GFRA4: variants seen among roughly 807,000 people sequenced by gnomAD.
The protein encoded by GFRA4 is GDNF family receptor alpha 4.
A neutral mutation model predicts 28.5 loss-of-function variants in GFRA4; 31 were observed. The observed-to-expected ratio is 1.09, with a 90% CI of 0.82 to 1.47. The LOEUF is 1.47. GFRA4 is among the 40% of genes most tolerant of loss of function. The pLI is 0.00. For missense variants in GFRA4, 389 were observed against 413.2 expected (o/e 0.94, Z 0.51); for synonymous variants, 188 against 188.0 (o/e 1.00, Z 0.00).
intron 5 of GFRA4, 33 bp downstream of exon 5, chr20:3,660,125 G>A: frequency 6.5e-7 from 1 of 1,546,894 alleles, no homozygotes; most frequent in Non-Finnish European, 8.8e-7. Flanking sequence ...CAGTGGGGGA[G>A]GTGCCAGCTC....
intron 1 of GFRA4, 28 bp downstream of exon 1, chr20:3,663,326 G>A: frequency 6.2e-7 from 1 of 1,605,680 alleles, no homozygotes; most frequent in African/African-American, 1.3e-5. Context: ...CCAGGGTTCG[G>A]GGTCCAGGGG....
rs748445287 is a variant in GFRA4, at chr20:3,660,671, C to A, written c.503-11G>T. On this transcript the variant is annotated splice_polypyrimidine_tract_variant and intron_variant, in intron 3 of 5. Coordinates refer to ENST00000290417, the MANE Select transcript of GFRA4 (RefSeq NM_022139.4). ...GGGTGACGGCGGTGCCTGCGGGGACCCTGAGGGCGAAGTCATCGGCCCACC... is the reference window on the plus strand; with the variant it reads ...GGGTGACGGCGGTGCCTGCGGGGACACTGAGGGCGAAGTCATCGGCCCACC... 3.4e-5 allele frequency: 53 copies of A among 1,542,468 alleles called. No homozygotes were observed. Among genetic ancestry groups the A allele is most frequent in the Non-Finnish European group, 3.5e-5 (40 of 1,143,638 alleles).
intron 1 of GFRA4, among the ~76,000 whole-genome samples, chr20:3,662,134 G>A (rs2087230636): frequency 6.6e-6 from 1 of 152,188 alleles, no homozygotes; most frequent in Non-Finnish European, 1.5e-5. Flanking sequence ...TGGTTTTAGT[G>A]ACCAGGCCCC....
In GFRA4 at chr20:3,661,060, C is replaced by T; in HGVS notation, c.276G>A (p.Ala92=). The change falls in exon 2 of 6, where the codon GCG becomes GCA. Residue 92 remains alanine (A), a synonymous_variant. Coordinates refer to ENST00000290417, the MANE Select transcript of GFRA4 (RefSeq NM_022139.4). ...AGGTCTGGCGCCGACGCTCGGCGCA[C>T]GCGGGGCCCGCGCACGGGCAGAAGA... ...ALLFCPCAGP[A]CAERRRQTFV... is the part of the protein sequence containing the mutation. 3 of 1,446,264 alleles carry T rather than the reference C, an allele frequency of 2.1e-6. No individual in the cohort carries two copies. Among genetic ancestry groups the T allele is most frequent in the South Asian group, 1.3e-5 (1 of 75,402 alleles). 89.6% of individuals were successfully genotyped at this position (1,446,264 alleles called of 1,614,324 possible).
In GFRA4 at chr20:3,660,240, A is replaced by T. The variant is rs763306194; in HGVS notation, c.647T>A (p.Ile216Asn). ...GGGCCACCCGCTGGCAAAGGCCTGA[A>T]TGGCACCATCTATGGAGGGAGGGGT... ...FTRNRCLDGA[I>N]QAFASGWPPV... is the part of the protein sequence containing the mutation. The change falls in exon 5 of 6, where the codon ATT becomes AAT. Residue 216 changes from isoleucine (I) to asparagine (N), a missense_variant. Ile to Asn is a moderately radical substitution (Grantham distance 149). Transcript: ENST00000290417. The T allele has an allele frequency of 4.4e-6, 7 of 1,606,022 alleles. No homozygotes were observed. In the South Asian group the frequency reaches 4.5e-5, roughly 10 times the overall value.
In GFRA4 at chr20:3,659,754, A is replaced by G; in HGVS notation, c.*155T>C. Reference sequence around the variant, plus strand: ...TCCCTTGCCCCAGGGGACGGCACACAGGGTGTCCAAACCTACAAAGGGCAG... The same window carrying G: ...TCCCTTGCCCCAGGGGACGGCACACGGGGTGTCCAAACCTACAAAGGGCAG... On this transcript the variant is annotated 3_prime_UTR_variant, in exon 6 of 6. Transcript: ENST00000290417. 1.4e-6 allele frequency: 1 copy of G among 693,578 alleles called. No homozygotes were observed. 43.0% of individuals were successfully genotyped at this position (693,578 alleles called of 1,614,324 possible).
intron 1 of GFRA4, among the ~76,000 whole-genome samples, chr20:3,662,032 G>A (rs942514298): frequency 2.6e-5 from 4 of 152,318 alleles, no homozygotes; most frequent in Middle Eastern, 3.4e-3. Context: ...AGAACCCACT[G>A]AGTCCTGGCT....
chr20:3,659,694 G>C lies in GFRA4; in HGVS notation c.*215C>G. The C allele has an allele frequency of 3.4e-6, 2 of 582,358 alleles. No homozygotes were observed. The highest frequency in any genetic ancestry group is 6.1e-6 in the Non-Finnish European group (2 of 328,630). The allele number at this position is 582,358 out of a possible 1,614,324, so 36.1% of individuals were successfully genotyped here. On this transcript the variant is annotated 3_prime_UTR_variant, in exon 6 of 6. Coordinates refer to ENST00000290417, the MANE Select transcript of GFRA4 (RefSeq NM_022139.4). ...TACAACCAAGATGCCTCCTGACAGG[G>C]AGACGGGGGCTTTACAGTCAGGCCC...
At chr20:3,661,499 T>A (rs556792524) in intron 1 of GFRA4, among the ~76,000 whole-genome samples, 167 of 152,256 alleles carry the variant, frequency 1.1e-3, no homozygotes, top group African/African-American at 3.8e-3. Flanking sequence ...ACGTCAGGGA[T>A]GGAGAGGGAG....
rs2146338565 is a variant in GFRA4 at position 3,661,165 on chromosome 20, C to T, written c.171G>A (p.Gly57=). The T allele has an allele frequency of 7.1e-7, 1 of 1,410,530 alleles. No individual in the cohort carries two copies. Among genetic ancestry groups the T allele is most frequent in the Non-Finnish European group, 9.2e-7 (1 of 1,087,844 alleles). 87.4% of individuals were successfully genotyped at this position (1,410,530 alleles called of 1,614,324 possible). ...GGCGGCAGCGGGCGCGGGGACAGCC[C>T]CCCTGCGCAGCCCGGCCCAGGCACT... is the stretch of plus-strand genomic sequence containing the variant. ...VAQCLGRAAQ[G]GCPRARCRRA... Residue 57 remains glycine (G), a synonymous_variant, in exon 2 of 6, where the codon GGG becomes GGA. Transcript: ENST00000290417.
In GFRA4 at chr20:3,663,387, G is replaced by T; in HGVS notation, c.13C>A (p.Leu5Met). The T allele has an allele frequency of 6.2e-7, 1 of 1,610,924 alleles. No individual in the cohort carries two copies. Among genetic ancestry groups the T allele is most frequent in the Non-Finnish European group, 8.5e-7 (1 of 1,179,268 alleles). Residue 5 changes from leucine (L) to methionine (M), a missense_variant, in exon 1 of 6, where the codon CTG becomes ATG. Coordinates refer to ENST00000290417, the MANE Select transcript of GFRA4 (RefSeq NM_022139.4). MVRC[L>M]GPALLLLLLL... ...AGCAGCAGCAGCAGCGCAGGCCCCA[G>T]GCAGCGGACCATGCTGGACCTTCAA...
At chr20:3,660,096 CG>C in intron 5 of GFRA4, 61 bp downstream of exon 5, 1 of 1,522,504 alleles carries the variant, frequency 6.6e-7, no homozygotes, top group African/African-American at 1.4e-5. Flanking sequence ...CCACCAGGGA[CG>C]GAAGGGTGTG....
chr20:3,661,418 G>C (rs1310733355), intron 1 of GFRA4, 129 bp from the exon 2 acceptor site: 1 of 1,298,688 alleles, frequency 7.7e-7, no homozygotes, highest in Non-Finnish European at 9.8e-7. Flanking sequence ...GCCCAAAGGC[G>C]GGGCCGACTG....
At position 3,660,189 on chromosome 20, in the gene GFRA4, G is replaced by A. The variant is rs768332292; in HGVS notation, c.698C>T (p.Pro233Leu). Residue 233 changes from proline to leucine, a missense_variant, in exon 5 of 6, where the codon CCC becomes CTC. Transcript: ENST00000290417. ...GAGGCTGTGCTCCGGGTCTCCCTGG[G>A]GGTTCAGCTGGTCCAGCAGGACTGG... ...WPPVLLDQLN[P>L]QGDPEHSLLQ... The A allele has an allele frequency of 2.5e-6, 4 of 1,600,256 alleles. No homozygotes were observed. The South Asian group carries it at 3.4e-5, about 14-fold the overall frequency.
At chr20:3,661,475 G>A (rs2087224670) in intron 1 of GFRA4, among the ~76,000 whole-genome samples, 186 bp from the exon 2 acceptor site, 2 of 152,342 alleles carry the variant, frequency 1.3e-5, no homozygotes, top group Admixed American at 6.5e-5. Context: ...GCGGGCTCTG[G>A]AGGGCTCTGC....
Position 3,660,225 on chromosome 20 carries a change from CT to C in GFRA4, c.661del (p.Ser221AlafsTer11). ...GTCCAGCAGGACTGGGGGCCACCCGCTGGCAAAGGCCTGAATGGCACCATCT... is the reference window on the plus strand; with the variant it reads ...GTCCAGCAGGACTGGGGGCCACCCGCGGCAAAGGCCTGAATGGCACCATCT... ...CLDGAIQAFA[S>X]GWPPVLLDQL... On this transcript the variant is annotated frameshift_variant, in exon 5 of 6. Transcript: ENST00000290417. LOFTEE classifies it high-confidence loss of function. 1 of 1,606,254 alleles carries C rather than the reference CT, an allele frequency of 6.2e-7. No homozygotes were observed. Among genetic ancestry groups the C allele is most frequent in the Non-Finnish European group, 8.5e-7 (1 of 1,177,036 alleles).
In GFRA4 at chr20:3,660,654, G is replaced by A. The variant is rs1272966993; in HGVS notation, c.509C>T (p.Ala170Val). 3 of 1,549,206 alleles carry A rather than the reference G, an allele frequency of 1.9e-6. No homozygotes were observed. Among genetic ancestry groups the A allele is most frequent in the African/African-American group, 2.7e-5 (2 of 73,052 alleles). Reference sequence around the variant, plus strand: ...GTTGTCCACGTAGTTAGGGGTGACGGCGGTGCCTGCGGGGACCCTGAGGGC... The same window carrying A: ...GTTGTCCACGTAGTTAGGGGTGACGACGGTGCCTGCGGGGACCCTGAGGGC... ...LRAYAGLVGTAVTPNYVDNVS... is the reference protein window; with the variant it reads ...LRAYAGLVGTVVTPNYVDNVS... The change falls in exon 4 of 6, where the codon GCC becomes GTC. Residue 170 changes from alanine (A) to valine (V), a missense_variant. Physicochemically the swap from Ala to Val is moderately conservative, Grantham distance 64. Transcript: ENST00000290417.
chr20:3,661,423 C>T, intron 1 of GFRA4, 134 bp from the exon 2 acceptor site: 2 of 1,293,268 alleles, frequency 1.5e-6, no homozygotes, highest in Admixed American at 4.2e-5. Flanking sequence ...AAGGCGGGGC[C>T]GACTGGCACT....
At chr20:3,663,286 C>A (rs2087242087) in intron 1 of GFRA4, 68 bp downstream of exon 1, 3 of 1,550,376 alleles carry the variant, frequency 1.9e-6, no homozygotes, top group Admixed American at 1.9e-5. Flanking sequence ...TGCCCTCCCA[C>A]CTTGTCACTG....
Sources: allele counts gnomAD v4.1 joint callset (sites outside exome capture counted in the v4.1 genomes callset), GRCh38; gene constraint gnomAD v4.1.1; transcripts MANE v1.5; gene names NCBI Gene and HGNC (gene_info 2026-07-23, HGNC 2026-07-21).